The following DGKB variants were observed in gnomAD, a reference collection of about 807,000 sequenced individuals.
DGKB encodes 90 kDa diacylglycerol kinase.
In DGKB, 67 loss-of-function variants were observed where a neutral mutation model predicts 114.3. The observed-to-expected ratio is 0.59, with a 90% CI of 0.48 to 0.72. The LOEUF (loss-of-function observed/expected upper bound fraction) is 0.72. Ranked by LOEUF, DGKB falls within the 30% of genes least tolerant of loss-of-function variation. DGKB has a pLI of 0.00. For synonymous variants in DGKB, 398 were observed against 323.1 expected, an observed-to-expected ratio of 1.23 and a Z score of -2.49; for missense variants, 907 against 975.2, an observed-to-expected ratio of 0.93 and a Z score of 0.93.
At chr7:14,457,538 G>A (rs1245623626) in intron 21 of DGKB, among the ~76,000 whole-genome samples, 2 of 152,118 alleles carry the variant, frequency 1.3e-5, no homozygotes, top group African/African-American at 2.4e-5. Context: ...TTTTTTTAAA[G>A]ACTGATCTCA....
intron 20 of DGKB, among the ~76,000 whole-genome samples, chr7:14,535,673 C>T (rs1165111961): frequency 1.1e-4 from 16 of 152,202 alleles, no homozygotes; most frequent in African/African-American, 3.4e-4. Context: ...CTGCAACCTC[C>T]GCCTCCCATG....
At chr7:14,680,175 C>T (rs564237292) in intron 12 of DGKB, among the ~76,000 whole-genome samples, 1 of 151,830 alleles carries the variant, frequency 6.6e-6, no homozygotes, top group Admixed American at 6.6e-5. Flanking sequence ...CACCAGAGAT[C>T]CCTGGTTAGC....
chr7:14,340,038 A>G (rs1338572272), intron 22 of DGKB, among the ~76,000 whole-genome samples: 5 of 151,820 alleles, frequency 3.3e-5, no homozygotes, highest in East Asian at 3.9e-4. Flanking sequence ...AAAAATAAAA[A>G]CTGTGAAATA....
At chr7:14,342,765 A>C (rs1435010680) in intron 22 of DGKB, among the ~76,000 whole-genome samples, 3 of 151,934 alleles carry the variant, frequency 2.0e-5, no homozygotes, top group Non-Finnish European at 4.4e-5. Context: ...ACAGTTAATA[A>C]TAGGTAAATC....
intron 21 of DGKB, among the ~76,000 whole-genome samples, chr7:14,374,364 G>A (rs1260021746): frequency 6.6e-6 from 1 of 151,982 alleles, no homozygotes; most frequent in Non-Finnish European, 1.5e-5. Context: ...CTCCCCATGG[G>A]CGCTCTTCCA....
At chr7:14,618,833 T>A (rs922823898) in intron 15 of DGKB, among the ~76,000 whole-genome samples, 1 of 151,406 alleles carries the variant, frequency 6.6e-6, no homozygotes, top group African/African-American at 2.4e-5. Flanking sequence ...ATCTCTTCTG[T>A]CACTGAAGTT....
chr7:14,607,409 GT>G (rs1563661496), intron 17 of DGKB, 24 bp downstream of exon 17: 1 of 1,190,962 alleles, frequency 8.4e-7, no homozygotes, highest in South Asian at 1.3e-5. Flanking sequence ...TGAGTTAATG[GT>G]AATAATATTA....
At chr7:14,850,678 G>A (rs1363362691) in intron 1 of DGKB, among the ~76,000 whole-genome samples, 2 of 152,068 alleles carry the variant, frequency 1.3e-5, no homozygotes, top group African/African-American at 4.8e-5. Context: ...GTGAATATAT[G>A]AAAAAATTAC....
chr7:14,297,354 C>A (rs934922507), intron 23 of DGKB, among the ~76,000 whole-genome samples: 1 of 152,112 alleles, frequency 6.6e-6, no homozygotes, highest in Admixed American at 6.6e-5. Flanking sequence ...AGCGTATTCA[C>A]CACAGTCAAG....
At chr7:14,915,838 C>A (rs925678626) in intron 1 of DGKB, among the ~76,000 whole-genome samples, 1 of 152,100 alleles carries the variant, frequency 6.6e-6, no homozygotes, top group Admixed American at 6.6e-5. Flanking sequence ...AATGTTAAAA[C>A]AAGTTCCTCA....
At chr7:14,668,248 G>C (rs555432982) in intron 13 of DGKB, among the ~76,000 whole-genome samples, 2 of 152,182 alleles carry the variant, frequency 1.3e-5, no homozygotes, top group Admixed American at 1.3e-4. Flanking sequence ...TTGGGCTGAA[G>C]TAAAGAGACA....
chr7:14,875,306 G>C (rs1042171017), intron 1 of DGKB, among the ~76,000 whole-genome samples: 2 of 152,034 alleles, frequency 1.3e-5, no homozygotes, highest in Non-Finnish European at 2.9e-5. Context: ...ACTGCCGAAT[G>C]CTATTTTGTT....
At chr7:14,662,465 T>C (rs560642258) in intron 13 of DGKB, among the ~76,000 whole-genome samples, 1 of 151,988 alleles carries the variant, frequency 6.6e-6, no homozygotes, top group East Asian at 1.9e-4. Flanking sequence ...TAACACAGTA[T>C]GGGGAAAATG....
At chr7:14,489,780 T>A (rs1784351540) in intron 20 of DGKB, among the ~76,000 whole-genome samples, 1 of 151,874 alleles carries the variant, frequency 6.6e-6, no homozygotes. Flanking sequence ...GAGCCTGAAG[T>A]GGACACAAAG....
chr7:14,383,233 T>C (rs1819770174), intron 21 of DGKB, among the ~76,000 whole-genome samples: 1 of 152,210 alleles, frequency 6.6e-6, no homozygotes, highest in African/African-American at 2.4e-5. Context: ...TTCTTGTCTC[T>C]GCACACCTTT....
intron 23 of DGKB, among the ~76,000 whole-genome samples, chr7:14,215,879 A>G (rs542901878): frequency 2.6e-5 from 4 of 152,346 alleles, no homozygotes; most frequent in African/African-American, 9.6e-5. Context: ...AAATTTATTT[A>G]TACAATGTTA....
At chr7:14,801,301 CTG>C (rs1258374155) in intron 2 of DGKB, among the ~76,000 whole-genome samples, 2 of 152,106 alleles carry the variant, frequency 1.3e-5, no homozygotes, top group African/African-American at 4.8e-5. Context: ...GATCTTGTTA[CTG>C]TCTTTGTTTG....
At chr7:14,535,988 C>A (rs755014576) in intron 20 of DGKB, among the ~76,000 whole-genome samples, 1 of 151,850 alleles carries the variant, frequency 6.6e-6, no homozygotes, top group Admixed American at 6.6e-5. Flanking sequence ...ATACAACCAA[C>A]GCCACAGAAA....
At chr7:14,366,668 T>C (rs1816727374) in intron 21 of DGKB, among the ~76,000 whole-genome samples, 1 of 152,158 alleles carries the variant, frequency 6.6e-6, no homozygotes, top group Non-Finnish European at 1.5e-5. Context: ...ATCCAATCGA[T>C]TCTCAATTCA....
Sources: gnomAD v4.1 joint callset for allele counts (sites outside exome capture counted in the v4.1 genomes callset) on GRCh38, gnomAD v4.1.1 for gene constraint, MANE v1.5 for transcripts, NCBI Gene and HGNC (gene_info 2026-07-23, HGNC 2026-07-21) for gene names.